Variants in BBX observed in about 807,000 individuals in gnomAD.
BBX encodes the protein BBX high mobility group box domain containing.
In BBX, 30 loss-of-function variants were observed where a neutral mutation model predicts 100.2. That is an observed-to-expected ratio of 0.30 (90% confidence interval 0.22 to 0.41). BBX has a LOEUF of 0.41. Among genes scored for constraint, BBX ranks in the 10% least tolerant of loss-of-function variants. BBX has a pLI of 1.00. For synonymous variants in BBX, 376 were observed against 388.1 expected (o/e 0.97, Z 0.37); for missense variants, 1,023 against 1,129.8 (o/e 0.91, Z 1.35).
Position 107,750,697 on chromosome 3 carries a change from T to G in BBX, c.825+2658T>G, listed in dbSNP as rs866063530. Among the ~76,000 whole-genome samples, 4 of 152,202 alleles carry G rather than the reference T, an allele frequency of 2.6e-5. No homozygotes were observed. In the South Asian group the frequency reaches 8.3e-4, roughly 32 times the overall value. On this transcript the variant is annotated intron_variant, in intron 9 of 17. Coordinates refer to ENST00000325805, the MANE Select transcript of BBX (RefSeq NM_001142568.3). ...AGACTAATACTGGGCTGGTTTTATT[T>G]AAGGCTAAATAAGAGCTAACTAGAT... is the stretch of plus-strand genomic sequence containing the variant.
intron 2 of BBX, among the ~76,000 whole-genome samples, chr3:107,538,322 G>C (rs971252139): frequency 6.6e-6 from 1 of 152,146 alleles, no homozygotes; most frequent in South Asian, 2.1e-4. Context: ...AGAATTATAC[G>C]TTTGAGGACC....
At chr3:107,598,612 A>C (rs2053829746) in intron 2 of BBX, among the ~76,000 whole-genome samples, 1 of 152,230 alleles carries the variant, frequency 6.6e-6, no homozygotes, top group Non-Finnish European at 1.5e-5. Flanking sequence ...GATATAATTT[A>C]TATTAATTCT....
intron 9 of BBX, among the ~76,000 whole-genome samples, chr3:107,748,733 A>C (rs1283112353): frequency 6.6e-6 from 1 of 152,160 alleles, no homozygotes; most frequent in East Asian, 1.9e-4. Flanking sequence ...CAGTTTATGA[A>C]AATAAGATGC....
intron 3 of BBX, among the ~76,000 whole-genome samples, chr3:107,652,496 T>C (rs758670390): frequency 1.6e-4 from 25 of 152,200 alleles, no homozygotes; most frequent in Non-Finnish European, 3.1e-4. Context: ...CCCTAAAAGC[T>C]ATTTATGAAA....
At chr3:107,672,850 C>T (rs1459171390) in intron 3 of BBX, among the ~76,000 whole-genome samples, 2 of 152,072 alleles carry the variant, frequency 1.3e-5, no homozygotes, top group Non-Finnish European at 2.9e-5. Flanking sequence ...AAGAGTGTCA[C>T]GATTTACTTT....
intron 5 of BBX, among the ~76,000 whole-genome samples, chr3:107,720,727 C>G (rs930865653): frequency 1.3e-5 from 2 of 151,934 alleles, no homozygotes; most frequent in Admixed American, 1.3e-4. Flanking sequence ...TGTCAATACT[C>G]TGGGAAAGGT....
At chr3:107,596,840 G>A (rs949953376) in intron 2 of BBX, among the ~76,000 whole-genome samples, 4 of 152,170 alleles carry the variant, frequency 2.6e-5, no homozygotes, top group Admixed American at 6.6e-5. Context: ...ACACTTCGTT[G>A]ATCAAAGTGG....
chr3:107,698,335 A>G (rs1332154544), intron 3 of BBX, among the ~76,000 whole-genome samples: 1 of 151,612 alleles, frequency 6.6e-6, no homozygotes, highest in African/African-American at 2.4e-5. Context: ...TTTTTTTAAA[A>G]AAAATGTATG....
In BBX at chr3:107,716,702, A is replaced by G. The variant is rs1228449091; in HGVS notation, c.258A>G (p.Ala86=). The change falls in exon 5 of 18, where the codon GCA becomes GCG. Residue 86 remains alanine (A), a synonymous_variant. Transcript: ENST00000325805. ...AGCGAGCCCGGAGACCAATGAATGC[A>G]TTTCTTTTATTTTGCAAACGCCATC... is the stretch of plus-strand genomic sequence containing the variant. ...PEQRARRPMN[A]FLLFCKRHRS... 8 of 1,613,818 alleles carry G rather than the reference A, an allele frequency of 5.0e-6. No homozygotes were observed. In the East Asian group the frequency reaches 1.3e-4, roughly 27 times the overall value.
intron 5 of BBX, among the ~76,000 whole-genome samples, chr3:107,723,750 T>A (rs2062710765): frequency 1.3e-5 from 2 of 152,184 alleles, no homozygotes; most frequent in Non-Finnish European, 2.9e-5. Context: ...TCATCCTTTT[T>A]TATGGCTGCA....
chr3:107,549,762 C>T (rs9868075), intron 2 of BBX, among the ~76,000 whole-genome samples: 19,486 of 152,024 alleles, frequency 0.13, 1,483 homozygotes, highest in Middle Eastern at 0.2. Context: ...CTGATTGATA[C>T]TTCTCTTAAG....
At chr3:107,581,656 G>C (rs2052287840) in intron 2 of BBX, among the ~76,000 whole-genome samples, 2 of 152,088 alleles carry the variant, frequency 1.3e-5, no homozygotes, top group African/African-American at 4.8e-5. Flanking sequence ...TTTATACACT[G>C]CTTCATACTC....
At chr3:107,540,795 G>A (rs369802984) in intron 2 of BBX, among the ~76,000 whole-genome samples, 1 of 151,980 alleles carries the variant, frequency 6.6e-6, no homozygotes, top group Non-Finnish European at 1.5e-5. Context: ...ATATGTCCTG[G>A]ATCACCCCAA....
chr3:107,618,096 G>C (rs1198271877), intron 2 of BBX, among the ~76,000 whole-genome samples: 1 of 151,822 alleles, frequency 6.6e-6, no homozygotes, highest in Non-Finnish European at 1.5e-5. Flanking sequence ...AATGGGTGTT[G>C]AATTATATCT....
At chr3:107,654,790 G>A (rs533894410) in intron 3 of BBX, among the ~76,000 whole-genome samples, 4 of 152,140 alleles carry the variant, frequency 2.6e-5, no homozygotes, top group Non-Finnish European at 4.4e-5. Context: ...GCTGTTTACC[G>A]TAACTGGGAT....
At chr3:107,562,994 A>G (rs1217534232) in intron 2 of BBX, among the ~76,000 whole-genome samples, 1 of 152,234 alleles carries the variant, frequency 6.6e-6, no homozygotes, top group Non-Finnish European at 1.5e-5. Context: ...ATACTTAGGA[A>G]ATATCCAAAC....
intron 2 of BBX, among the ~76,000 whole-genome samples, chr3:107,633,533 G>A (rs535757822): frequency 1.2e-4 from 19 of 152,150 alleles, no homozygotes; most frequent in South Asian, 2.1e-4. Flanking sequence ...TCATGCCTGC[G>A]GACATGATTG....
chr3:107,762,498 A>G (rs769215163), intron 10 of BBX, among the ~76,000 whole-genome samples: 2 of 152,240 alleles, frequency 1.3e-5, no homozygotes, highest in Non-Finnish European at 2.9e-5. Context: ...TTTCTCTGGC[A>G]CAAGCGTTCG....
At chr3:107,703,458 G>A (rs563798489) in intron 3 of BBX, among the ~76,000 whole-genome samples, 7 of 152,110 alleles carry the variant, frequency 4.6e-5, no homozygotes, top group African/African-American at 7.2e-5. Flanking sequence ...GCTAAGTGTC[G>A]TGGAGTGCAG....
Sources: gnomAD v4.1 joint callset for allele counts (sites outside exome capture counted in the v4.1 genomes callset) on GRCh38, gnomAD v4.1.1 for gene constraint, MANE v1.5 for transcripts, NCBI Gene and HGNC (gene_info 2026-07-23, HGNC 2026-07-21) for gene names.